The following PCDH7 variants were observed in gnomAD, a reference collection of about 807,000 sequenced individuals.
PCDH7 encodes the protein protocadherin-7.
A neutral mutation model predicts 58.9 loss-of-function variants in PCDH7; 17 were observed. That is an observed-to-expected ratio of 0.29 (90% CI 0.20 to 0.43). The LOEUF (loss-of-function observed/expected upper bound fraction) is 0.43. PCDH7 is among the 20% of genes least tolerant of loss of function. The pLI is 1.00. For missense variants in PCDH7, 1,274 were observed against 1,441.0 expected, an observed-to-expected ratio of 0.88 and a Z score of 1.88; for synonymous variants, 664 against 616.4, an observed-to-expected ratio of 1.08 and a Z score of -1.14.
chr4:31,099,348 C>CT (rs758805342), intron 3 of PCDH7, among the ~76,000 whole-genome samples: 6 of 152,108 alleles, frequency 3.9e-5, no homozygotes, highest in Non-Finnish European at 8.8e-5. Context: ...GGGGATCTGC[C>CT]TAAAGGTGTT....
At chr4:31,066,060 C>T (rs1314011911) in intron 3 of PCDH7, among the ~76,000 whole-genome samples, 1 of 151,814 alleles carries the variant, frequency 6.6e-6, no homozygotes, top group South Asian at 2.1e-4. Flanking sequence ...ATCACACTAA[C>T]CAATGATCAC....
intron 3 of PCDH7, among the ~76,000 whole-genome samples, chr4:31,119,151 A>G (rs1388603379): frequency 6.6e-6 from 1 of 152,130 alleles, no homozygotes; most frequent in Non-Finnish European, 1.5e-5. Flanking sequence ...TCATGATGGG[A>G]AATGATTGAT....
At chr4:31,076,155 G>A (rs1311006857) in intron 3 of PCDH7, among the ~76,000 whole-genome samples, 2 of 152,106 alleles carry the variant, frequency 1.3e-5, no homozygotes, top group Non-Finnish European at 2.9e-5. Context: ...CTCTTAGAGT[G>A]CAGAGGAATG....
chr4:30,740,722 A>G (rs1352256368), intron 1 of PCDH7, among the ~76,000 whole-genome samples: 1 of 152,130 alleles, frequency 6.6e-6, no homozygotes, highest in African/African-American at 2.4e-5. Flanking sequence ...AAGAAAATAA[A>G]GTGAAAGTGA....
chr4:30,722,969 C>T lies in PCDH7; in HGVS notation c.1547C>T (p.Ser516Leu), dbSNP rs1230793410. The T allele has an allele frequency of 8.1e-6, 13 of 1,613,618 alleles. No individual in the cohort carries two copies. The Admixed American group carries it at 1.7e-4, about 21-fold the overall frequency. ...GTGGACTCAGGCAGCCCCAGCCTCT[C>T]GAGCAACAACTCCCTGATTGTCAAG... Residue 516 changes from serine to leucine, a missense_variant, in exon 1 of 2, where the codon TCG becomes TTG. Ser to Leu is a moderately radical substitution (Grantham distance 145, BLOSUM62 -2). Transcript: ENST00000361762. The surrounding 1 kb of genome is among the most constrained non-coding windows in gnomAD (Gnocchi z 7.6).
At chr4:31,073,982 T>C (rs1234938145) in intron 3 of PCDH7, among the ~76,000 whole-genome samples, 3 of 151,980 alleles carry the variant, frequency 2.0e-5, no homozygotes, top group African/African-American at 7.3e-5. Context: ...CTAGCTATTT[T>C]TTCAAACACA....
At position 30,909,626 on chromosome 4, in the gene PCDH7, G is replaced by C. The variant is rs1741459868; in HGVS notation, c.71-10527G>C. Among the ~76,000 whole-genome samples the C allele has an allele frequency of 1.3e-5, 2 of 152,128 alleles. 1 individual carries two copies. Among genetic ancestry groups the C allele is most frequent in the South Asian group, 4.1e-4 (2 of 4,830 alleles). On this transcript the variant is annotated intron_variant, in intron 1 of 3. Transcript: ENST00000509759. ...TAGGAATACAACTTACAAAGGATGT[G>C]AAGGACCTCTTCAAGGAGAACTACA...
intron 1 of PCDH7, chr4:30,783,275 T>C (rs1040835523): frequency 6.6e-6 from 1 of 152,186 alleles, no homozygotes; most frequent in Non-Finnish European, 1.5e-5. Context: ...CTATTATGCA[T>C]TTATGCTCTA....
At chr4:31,107,314 A>G (rs1339315333) in intron 3 of PCDH7, among the ~76,000 whole-genome samples, 3 of 152,176 alleles carry the variant, frequency 2.0e-5, no homozygotes, top group Non-Finnish European at 4.4e-5. Context: ...TTTCTATCTC[A>G]CAATAAAGCA....
chr4:30,777,625 TAGC>T (rs1722245165), intron 1 of PCDH7, among the ~76,000 whole-genome samples: 1 of 152,160 alleles, frequency 6.6e-6, no homozygotes, highest in Non-Finnish European at 1.5e-5. Context: ...CTGTTAGAAA[TAGC>T]AGTGCCATGT....
chr4:30,824,133 T>C (rs981940556), intron 1 of PCDH7, among the ~76,000 whole-genome samples: 6 of 147,304 alleles, frequency 4.1e-5, no homozygotes, highest in African/African-American at 1.5e-4. Flanking sequence ...CTTTCTTTCT[T>C]TCTTTCTTTC....
intron 3 of PCDH7, among the ~76,000 whole-genome samples, chr4:31,123,688 AT>A (rs1464753156): frequency 6.6e-6 from 1 of 152,128 alleles, no homozygotes; most frequent in Admixed American, 6.5e-5. Context: ...GCCTTTTTGG[AT>A]TCCCACACCC....
At chr4:31,118,403 TTAATGTTGTTCTAA>T (rs1235190034) in intron 3 of PCDH7, among the ~76,000 whole-genome samples, 1 of 152,218 alleles carries the variant, frequency 6.6e-6, no homozygotes, top group East Asian at 1.9e-4. Context: ...AACATTTTTT[TTAATGTTGTTCTAA>T]AATATATGCC....
chr4:30,777,299 CTT>C (rs1722197094), intron 1 of PCDH7, among the ~76,000 whole-genome samples: 1 of 152,120 alleles, frequency 6.6e-6, no homozygotes, highest in Non-Finnish European at 1.5e-5. Context: ...AATTGAAACT[CTT>C]AACATGTTTT....
intron 1 of PCDH7, among the ~76,000 whole-genome samples, chr4:30,754,511 A>G (rs1325408350): frequency 6.6e-6 from 1 of 152,162 alleles, no homozygotes; most frequent in Non-Finnish European, 1.5e-5. Context: ...CTTAATGTGA[A>G]TTAAATTCAC....
intron 3 of PCDH7, among the ~76,000 whole-genome samples, chr4:31,077,928 T>G (rs1485760902): frequency 6.6e-6 from 1 of 152,070 alleles, no homozygotes; most frequent in Non-Finnish European, 1.5e-5. Context: ...TAAAATGAGG[T>G]GGCTGATTTA....
rs1190443409 is a variant in PCDH7, at chr4:31,097,587, CATATATATATATATATATAT to C, written c.*8-44854_*8-44835del. On this transcript the variant is annotated intron_variant, in intron 3 of 3. Coordinates refer to the PCDH7 transcript ENST00000509759. ...TGTGGCTGTTTTTCCTCCAAATATA[CATATATATATATATATATAT>C]ATATATATATATATATATATATATA... Among the ~76,000 whole-genome samples the C allele has an allele frequency of 3.2e-3, 127 of 40,092 alleles. 5 individuals carry two copies. The highest frequency in any genetic ancestry group is 8.8e-3 in the South Asian group (10 of 1,142). 26.3% of individuals were successfully genotyped at this position (40,092 alleles called of 152,430 possible).
intron 1 of PCDH7, among the ~76,000 whole-genome samples, chr4:30,781,916 G>A (rs1722855427): frequency 6.6e-6 from 1 of 152,086 alleles, no homozygotes; most frequent in Non-Finnish European, 1.5e-5. Flanking sequence ...AGTTCAAACG[G>A]CGCTAATGGC....
At position 30,721,735 on chromosome 4, in the gene PCDH7, G is replaced by C. The variant is rs745604162; in HGVS notation, c.313G>C (p.Glu105Gln). 6.2e-7 allele frequency: 1 copy of C among 1,613,930 alleles called. No individual in the cohort carries two copies. The highest frequency in any genetic ancestry group is 8.5e-7 in the Non-Finnish European group (1 of 1,179,988). ...GCCCCAGTGTCAGATGATCTTCGAC[G>C]AGAACGAGTGCTTCCTGGACTTCGA... The change falls in exon 1 of 2, where the codon GAG becomes CAG. Residue 105 changes from glutamate to glutamine, a missense_variant. By Grantham distance (29) the Glu-to-Gln change is conservative. Coordinates refer to ENST00000361762, the Ensembl canonical transcript of PCDH7. This position sits in a 1 kb window ranked among gnomAD's most constrained non-coding sequence, Gnocchi z 6.7.
Sources: gnomAD v4.1 joint callset for allele counts (sites outside exome capture counted in the v4.1 genomes callset) on GRCh38, gnomAD v4.1.1 for gene constraint, Gnocchi (gnomAD v3.1) non-coding constraint, MANE v1.5 for transcripts, NCBI Gene and HGNC (gene_info 2026-07-23, HGNC 2026-07-21) for gene names.